The following DDI2 variants were observed in gnomAD, a reference collection of about 807,000 sequenced individuals.
DDI2 encodes the protein DDI proteasomal shuttling factor 2, also known as protein DDI1 homolog 2.
In DDI2, 5 loss-of-function variants were observed where a neutral mutation model predicts 48.1. The ratio of observed to expected loss-of-function variants is 0.10; its 90% confidence interval spans 0.05 to 0.22. The LOEUF (loss-of-function observed/expected upper bound fraction) is 0.22. DDI2 is among the 10% of genes least tolerant of loss of function. The probability of loss-of-function intolerance (pLI) is 1.00; values close to 1 mark genes in which losing one functional copy is unlikely to be tolerated. For missense variants in DDI2, 285 were observed against 506.2 expected (o/e 0.56, Z 4.19); for synonymous variants, 205 against 183.6 (o/e 1.12, Z -0.94).
Position 15,649,806 on chromosome 1 carries a change from A to G in DDI2, c.976A>G (p.Met326Val), listed in dbSNP as rs1210367910. 4 of 1,611,734 alleles carry G rather than the reference A, an allele frequency of 2.5e-6. No individual in the cohort carries two copies. The highest frequency in any genetic ancestry group is 2.7e-5 in the African/African-American group (2 of 74,774). Residue 326 changes from methionine (M) to valine (V), a missense_variant, in exon 7 of 10, where the codon ATG becomes GTG. Coordinates refer to ENST00000480945, the MANE Select transcript of DDI2 (RefSeq NM_032341.5). Reference sequence around the variant, plus strand: ...CATGGACATGCTTCTGGGACTGGACATGCTTAAACGGCACCAGGTAATTAA... The same window carrying G: ...CATGGACATGCTTCTGGGACTGGACGTGCTTAAACGGCACCAGGTAATTAA... The part of the protein sequence containing the change: ...QPMDMLLGLD[M>V]LKRHQCSIDL...
chr1:15,617,743 T>C lies in DDI2; in HGVS notation c.73T>C (p.Phe25Leu), dbSNP rs1030186328. 1 of 1,610,804 alleles carries C rather than the reference T, an allele frequency of 6.2e-7. No homozygotes were observed. The highest frequency in any genetic ancestry group is 1.3e-5 in the African/African-American group (1 of 74,976). The change falls in exon 1 of 10, where the codon TTC becomes CTC. Residue 25 changes from phenylalanine (F) to leucine (L), a missense_variant. Physicochemically the swap from Phe to Leu is conservative, Grantham distance 22. This residue lies in a region of DDI2 where 149 missense variants were observed against 236.5 expected (regional missense o/e 0.63). Coordinates refer to ENST00000480945, the MANE Select transcript of DDI2 (RefSeq NM_032341.5). ...CTTTTCCCTCCAGGTCGACGCCGACTTCGAGCTGCACAACTTCCGCGCGCT... is the reference window on the plus strand; with the variant it reads ...CTTTTCCCTCCAGGTCGACGCCGACCTCGAGCTGCACAACTTCCGCGCGCT... ...VTFSLQVDAD[F>L]ELHNFRALCE...
intron 9 of DDI2, among the ~76,000 whole-genome samples, chr1:15,658,306 C>T (rs1244087402): frequency 6.6e-6 from 1 of 151,782 alleles, no homozygotes; most frequent in East Asian, 1.9e-4. Flanking sequence ...CCCACCACCA[C>T]GCCTGGCTAA....
chr1:15,655,370 A>G (rs1002174504), intron 8 of DDI2, among the ~76,000 whole-genome samples: 4 of 151,818 alleles, frequency 2.6e-5, no homozygotes, highest in Non-Finnish European at 5.9e-5. Context: ...TGTGGTCCCA[A>G]CACTTTGGGA....
chr1:15,659,863 C>CT lies in DDI2; in HGVS notation c.*74dup. ...GAAAAGTGGTAAAGAATCTACCTCA[C>CT]TGGGAATGTCATCATTACCAACTTC... On this transcript the variant is annotated 3_prime_UTR_variant, in exon 10 of 10. Transcript: ENST00000480945. 1 of 1,559,394 alleles carries CT rather than the reference C, an allele frequency of 6.4e-7. No homozygotes were observed.
intron 3 of DDI2, among the ~76,000 whole-genome samples, chr1:15,631,576 G>A (rs1222129318): frequency 6.6e-6 from 1 of 152,126 alleles, no homozygotes; most frequent in East Asian, 1.9e-4. Context: ...TACCTTAAGC[G>A]AAGTACTCAG....
chr1:15,632,527 C>G (rs774649042), intron 3 of DDI2, among the ~76,000 whole-genome samples: 2 of 151,932 alleles, frequency 1.3e-5, no homozygotes, highest in African/African-American at 2.4e-5. Flanking sequence ...GAGCGAAACT[C>G]CATCTCAAAA....
At chr1:15,644,272 T>C (rs780931686) in intron 6 of DDI2, among the ~76,000 whole-genome samples, 2 of 152,222 alleles carry the variant, frequency 1.3e-5, no homozygotes, top group Non-Finnish European at 2.9e-5. Context: ...TACAGATTCC[T>C]TTCTCTTCTG....
chr1:15,632,616 C>T (rs1639863013), intron 3 of DDI2, among the ~76,000 whole-genome samples: 1 of 152,118 alleles, frequency 6.6e-6, no homozygotes, highest in Non-Finnish European at 1.5e-5. Flanking sequence ...ATTTTCCTGC[C>T]TATTAATTCA....
intron 4 of DDI2, 27 bp downstream of exon 4, chr1:15,633,592 A>T (rs759502820): frequency 1.2e-6 from 2 of 1,605,146 alleles, no homozygotes; most frequent in South Asian, 2.2e-5. Flanking sequence ...CTAAAGAACA[A>T]AACTTAGAGA....
At chr1:15,656,530 G>T in intron 8 of DDI2, 87 bp from the exon 9 acceptor site, 1 of 1,610,304 alleles carries the variant, frequency 6.2e-7, no homozygotes, top group South Asian at 1.1e-5. Flanking sequence ...TTTTAAAGAT[G>T]GCAAAAGAAC....
chr1:15,656,866 T>A (rs565094137), intron 9 of DDI2, 187 bp downstream of exon 9: 3 of 723,364 alleles, frequency 4.1e-6, no homozygotes, highest in Admixed American at 3.4e-5. Context: ...TAAACTCCTG[T>A]TTAAAAATGG....
In DDI2 at chr1:15,643,529, G is replaced by A; in HGVS notation, c.768G>A (p.Gln256=). The A allele has an allele frequency of 6.2e-7, 1 of 1,612,944 alleles. No individual in the cohort carries two copies. Among genetic ancestry groups the A allele is most frequent in the Non-Finnish European group, 8.5e-7 (1 of 1,179,660 alleles). The part of the protein sequence containing the change: ...PVKAFVDSGA[Q]MTIMSQACAE... ...GTTTCTCTACTCCTCCAGGTGCCCAGATGACTATCATGAGCCAAGCTTGTG... is the reference window on the plus strand; with the variant it reads ...GTTTCTCTACTCCTCCAGGTGCCCAAATGACTATCATGAGCCAAGCTTGTG... The change falls in exon 6 of 10, where the codon CAG becomes CAA. Residue 256 remains glutamine (Q), a synonymous_variant. Coordinates refer to ENST00000480945, the MANE Select transcript of DDI2 (RefSeq NM_032341.5).
intron 3 of DDI2, among the ~76,000 whole-genome samples, 155 bp from the exon 4 acceptor site, chr1:15,633,284 C>T (rs1639876069): frequency 6.6e-6 from 1 of 152,058 alleles, no homozygotes; most frequent in African/African-American, 2.4e-5. Context: ...ACTCAGAGAA[C>T]AGAAAGTAAA....
Position 15,664,416 on chromosome 1 carries a change from G to A in DDI2, c.*4626G>A, listed in dbSNP as rs1220562481. ...ACTGCACTCCAGTGTGGGCGGCAGA[G>A]TGAGACTCTGTCTCACCCAAAAAAA... On this transcript the variant is annotated 3_prime_UTR_variant, in exon 10 of 10. Coordinates refer to ENST00000480945, the MANE Select transcript of DDI2 (RefSeq NM_032341.5). The A allele has an allele frequency of 3.7e-4, 54 of 146,364 alleles. No homozygotes were observed. Among genetic ancestry groups the A allele is most frequent in the Non-Finnish European group, 1.2e-4 (8 of 67,170 alleles). 9.1% of individuals were successfully genotyped at this position (146,364 alleles called of 1,614,324 possible).
intron 9 of DDI2, among the ~76,000 whole-genome samples, chr1:15,658,876 G>A (rs115846819): frequency 1.3e-5 from 2 of 152,288 alleles, no homozygotes; most frequent in East Asian, 3.9e-4. Context: ...GAGCCGTCTT[G>A]TTTGGGTGGT....
Position 15,643,658 on chromosome 1 carries a change from A to G in DDI2, c.889+8A>G, listed in dbSNP as rs1218611352. 1 of 1,613,876 alleles carries G rather than the reference A, an allele frequency of 6.2e-7. No homozygotes were observed. The highest frequency in any genetic ancestry group is 1.7e-5 in the Admixed American group (1 of 59,952). On this transcript the variant is annotated splice_region_variant and intron_variant, in intron 6 of 9. Transcript: ENST00000480945. ...TTGGAAGGGTACATCTAGGTGAGCA[A>G]AAGGCACTGGGGCTTGCTGTCTTTC...
chr1:15,660,615 G>C lies in DDI2; in HGVS notation c.*825G>C, dbSNP rs1389619375. 1 of 1,614,106 alleles carries C rather than the reference G, an allele frequency of 6.2e-7. No individual in the cohort carries two copies. Among genetic ancestry groups the C allele is most frequent in the East Asian group, 2.2e-5 (1 of 44,890 alleles). On this transcript the variant is annotated 3_prime_UTR_variant, in exon 10 of 10. Transcript: ENST00000480945. ...GCTGCTCAAATTCAGAAACATTTATGGAAATCGATACAGCTCAACAGTCCC... is the reference window on the plus strand; with the variant it reads ...GCTGCTCAAATTCAGAAACATTTATCGAAATCGATACAGCTCAACAGTCCC...
Position 15,630,472 on chromosome 1 carries a change from G to A in DDI2, c.416G>A (p.Arg139Gln), listed in dbSNP as rs771412314. The A allele has an allele frequency of 3.7e-6, 6 of 1,614,068 alleles. No homozygotes were observed. Among genetic ancestry groups the A allele is most frequent in the Admixed American group, 1.7e-5 (1 of 60,008 alleles). Residue 139 changes from arginine (R) to glutamine (Q), a missense_variant, in exon 3 of 10, where the codon CGA becomes CAA. By Grantham distance (43) the Arg-to-Gln change is conservative. Around this residue, in one of 3 missense-constraint regions of DDI2, gnomAD observed 149 missense variants for 236.5 expected, o/e 0.63. Transcript: ENST00000480945. Reference sequence around the variant, plus strand: ...GGCTTGGACAATCCAGCCTTGCTCCGAGATATGTTGCTGGCCAACCCGCAT... The same window carrying A: ...GGCTTGGACAATCCAGCCTTGCTCCAAGATATGTTGCTGGCCAACCCGCAT... ...PQGLDNPALLRDMLLANPHEL... is the reference protein window; with the variant it reads ...PQGLDNPALLQDMLLANPHEL...
intron 8 of DDI2, among the ~76,000 whole-genome samples, chr1:15,653,135 G>T (rs1245428055): frequency 1.3e-5 from 2 of 152,090 alleles, no homozygotes; most frequent in Non-Finnish European, 2.9e-5. Context: ...ATTTTTTTAG[G>T]AAGTTTTTTT....
Sources: allele counts gnomAD v4.1 joint callset (sites outside exome capture counted in the v4.1 genomes callset), GRCh38; gene constraint gnomAD v4.1.1; regional missense constraint gnomAD v4.1.1; transcripts MANE v1.5; gene names NCBI Gene and HGNC (gene_info 2026-07-23, HGNC 2026-07-21).